Variants in HK1 observed in about 807,000 individuals in gnomAD.
HK1 encodes hexokinase 1.
A neutral mutation model predicts 91.6 loss-of-function variants in HK1; 28 were observed. The ratio of observed to expected loss-of-function variants is 0.31; its 90% CI spans 0.23 to 0.42. The LOEUF (loss-of-function observed/expected upper bound fraction) is 0.42, where lower values mean the gene tolerates loss of function less well. HK1 is among the 10% of genes least tolerant of loss of function. The probability of loss-of-function intolerance (pLI) is 1.00; values close to 1 mark genes in which losing one functional copy is unlikely to be tolerated. For missense variants in HK1, 770 were observed against 1,219.8 expected, an observed-to-expected ratio of 0.63 and a Z score of 5.49; for synonymous variants, 430 against 468.1, an observed-to-expected ratio of 0.92 and a Z score of 1.05.
At chr10:69,300,813 AC>A in exon 5 of HK1, 1 of 1,611,678 alleles carries the variant, frequency 6.2e-7, no homozygotes, top group African/African-American at 1.3e-5. Flanking sequence ...ATTAATGTGC[AC>A]CACTGTGGTG....
intron 5 of HK1, among the ~76,000 whole-genome samples, chr10:69,302,455 A>G (rs1845924351): frequency 6.7e-6 from 1 of 148,350 alleles, no homozygotes; most frequent in African/African-American, 2.5e-5. Flanking sequence ...GCTCACTGCA[A>G]TCTCCGCCTC....
chr10:69,384,226 A>T (rs1451564271), intron 10 of HK1, 107 bp from the exon 11 acceptor site: 1 of 1,327,786 alleles, frequency 7.5e-7, no homozygotes, highest in Non-Finnish European at 1.1e-6. Context: ...CTTCTCCTCT[A>T]TGTTTGCTAT....
rs975877583 is a variant in HK1 at position 69,386,432 on chromosome 10, G to A, written c.1935+14G>A. On this transcript the variant is annotated intron_variant, in intron 13 of 17. Coordinates refer to ENST00000359426, the MANE Select transcript of HK1 (RefSeq NM_000188.3). ...AAAAGGAGAGAGGTAACTATTAAAA[G>A]AATGTTTTTTAAAATCTTTACTGTT... 1.3e-6 allele frequency: 2 copies of A among 1,584,782 alleles called. No homozygotes were observed. The highest frequency in any genetic ancestry group is 1.3e-5 in the African/African-American group (1 of 74,464).
intron 4 of HK1, among the ~76,000 whole-genome samples, chr10:69,298,986 C>G (rs1266067172): frequency 1.3e-5 from 2 of 151,806 alleles, no homozygotes; most frequent in Non-Finnish European, 2.9e-5. Context: ...GTTGCCCAGG[C>G]TGGAGTGCAG....
intron 1 of HK1, among the ~76,000 whole-genome samples, chr10:69,327,716 C>T (rs1349368691): frequency 6.6e-6 from 1 of 152,236 alleles, no homozygotes; most frequent in Non-Finnish European, 1.5e-5. Flanking sequence ...CTTTGTTCCA[C>T]ACCAACCCTT....
intron 2 of HK1, among the ~76,000 whole-genome samples, chr10:69,352,691 C>T (rs1848939513): frequency 6.6e-6 from 1 of 152,070 alleles, no homozygotes; most frequent in Non-Finnish European, 1.5e-5. Flanking sequence ...GCAGAAAGTA[C>T]ATTAGTGGTT....
intron 2 of HK1, among the ~76,000 whole-genome samples, chr10:69,346,142 A>G (rs375288189): frequency 2.6e-5 from 4 of 152,190 alleles, no homozygotes; most frequent in African/African-American, 9.7e-5. Context: ...ATCATCCAAG[A>G]ATCAGGAGAT....
chr10:69,398,565 A>C (rs1840243394), intron 16 of HK1, 30 bp from the exon 17 acceptor site: 2 of 1,586,066 alleles, frequency 1.3e-6, no homozygotes, highest in Non-Finnish European at 8.6e-7. Flanking sequence ...GTCCTGCTTC[A>C]TCCAGCCCTC....
intron 1 of HK1, among the ~76,000 whole-genome samples, chr10:69,280,837 G>T (rs2132427234): frequency 6.6e-6 from 1 of 152,312 alleles, no homozygotes; most frequent in Non-Finnish European, 1.5e-5. Context: ...AGACAGTGAG[G>T]GTGGGAGTGG....
chr10:69,381,459 C>A (rs1237046915), intron 9 of HK1, among the ~76,000 whole-genome samples: 1 of 150,894 alleles, frequency 6.6e-6, no homozygotes, highest in Non-Finnish European at 1.5e-5. Context: ...ATTTTTTGGA[C>A]AAGAAAGCCT....
At chr10:69,393,310 C>CT (rs57870614) in intron 15 of HK1, among the ~76,000 whole-genome samples, 33 of 143,644 alleles carry the variant, frequency 2.3e-4, no homozygotes, top group East Asian at 4.1e-4. Flanking sequence ...CTTTTCTTTT[C>CT]TTTTTTTTTT....
intron 2 of HK1, among the ~76,000 whole-genome samples, chr10:69,358,506 TCAA>T (rs1158786542): frequency 6.6e-6 from 1 of 152,142 alleles, no homozygotes; most frequent in Non-Finnish European, 1.5e-5. Context: ...CAAGGGTCCA[TCAA>T]CAGATGAAAG....
chr10:69,315,455 G>C (rs1268196927), upstream of HK1, among the ~76,000 whole-genome samples: 2 of 152,180 alleles, frequency 1.3e-5, no homozygotes, highest in African/African-American at 2.4e-5. Context: ...AATGAGTAGA[G>C]AGAGTTCAGG....
chr10:69,324,985 G>A (rs1193247917), intron 1 of HK1, among the ~76,000 whole-genome samples: 1 of 151,688 alleles, frequency 6.6e-6, no homozygotes, highest in Non-Finnish European at 1.5e-5. Flanking sequence ...ACACATCAGG[G>A]ATATTATACT....
chr10:69,316,697 C>T (rs1037867725), upstream of HK1, among the ~76,000 whole-genome samples: 6 of 152,230 alleles, frequency 3.9e-5, no homozygotes, highest in South Asian at 2.1e-4. Context: ...GTTGTAACAA[C>T]GGGTTGGGCA....
At chr10:69,384,105 G>A (rs1839519507) in intron 10 of HK1, among the ~76,000 whole-genome samples, 1 of 152,166 alleles carries the variant, frequency 6.6e-6, no homozygotes, top group Non-Finnish European at 1.5e-5. Context: ...TGTGACAGGT[G>A]GTTTACTCAC....
At chr10:69,343,539 C>T (rs1337750700) in intron 1 of HK1, among the ~76,000 whole-genome samples, 1 of 152,134 alleles carries the variant, frequency 6.6e-6, no homozygotes, top group Non-Finnish European at 1.5e-5. Context: ...AAACCTACCT[C>T]CATCAAGTAC....
intron 4 of HK1, 58 bp from the exon 5 acceptor site, chr10:69,368,478 C>T (rs1438974164): frequency 7.0e-7 from 1 of 1,434,058 alleles, no homozygotes; most frequent in Non-Finnish European, 9.8e-7. Context: ...ATGCCCAGGG[C>T]CTTGGGGTGC....
Position 69,359,923 on chromosome 10 carries a change from C to A in HK1, c.253C>A (p.Leu85Ile). The A allele has an allele frequency of 6.2e-7, 1 of 1,614,138 alleles. No homozygotes were observed. Among genetic ancestry groups the A allele is most frequent in the African/African-American group, 1.3e-5 (1 of 75,042 alleles). The change falls in exon 3 of 18, where the codon CTT becomes ATT. Residue 85 changes from leucine (L) to isoleucine (I), a missense_variant. This residue lies in a region of HK1 where 449 missense variants were observed against 665.1 expected (regional missense o/e 0.68). Coordinates refer to ENST00000359426, the MANE Select transcript of HK1 (RefSeq NM_000188.3). ...AAAGGGAGATTTCATTGCCCTGGAT[C>A]TTGGTGGGTCTTCCTTTCGAATTCT... is the stretch of plus-strand genomic sequence containing the variant. Reference protein sequence around the residue: ...SEKGDFIALDLGGSSFRILRV... With the variant: ...SEKGDFIALDIGGSSFRILRV...
Sources: allele counts gnomAD v4.1 joint callset (sites outside exome capture counted in the v4.1 genomes callset), GRCh38; gene constraint gnomAD v4.1.1; regional missense constraint gnomAD v4.1.1; transcripts MANE v1.5; gene names NCBI Gene and HGNC (gene_info 2026-07-23, HGNC 2026-07-21).